The following NELL1 variants were observed in gnomAD, a reference collection of about 807,000 sequenced individuals.
The protein encoded by NELL1 is neural EGFL like 1, also known as protein kinase C-binding protein NELL1.
In NELL1, 76 loss-of-function variants were observed where a neutral mutation model predicts 107.4. The ratio of observed to expected loss-of-function variants is 0.71; its 90% confidence interval spans 0.59 to 0.86. The LOEUF (loss-of-function observed/expected upper bound fraction) is 0.86. NELL1 is among the 40% of genes least tolerant of loss of function. The pLI, the probability that NELL1 is intolerant of heterozygous loss-of-function variation, is 0.00. For missense variants in NELL1, 1,024 were observed against 1,005.5 expected (o/e 1.02, Z -0.25); for synonymous variants, 353 against 341.2 (o/e 1.03, Z -0.38).
At chr11:21,552,156 A>G (rs1856606561) in intron 16 of NELL1, among the ~76,000 whole-genome samples, 6 of 112,980 alleles carry the variant, frequency 5.3e-5, no homozygotes, top group African/African-American at 1.8e-4. Flanking sequence ...GGGAGGGGGG[A>G]GGGATAGCAT....
chr11:21,263,243 C>T (rs1325340179), intron 14 of NELL1, among the ~76,000 whole-genome samples: 1 of 151,822 alleles, frequency 6.6e-6, no homozygotes, highest in Non-Finnish European at 1.5e-5. Flanking sequence ...AGAAGCCTCC[C>T]TCAAATGTTT....
chr11:21,215,284 T>G (rs1053559153), intron 13 of NELL1, among the ~76,000 whole-genome samples: 4 of 152,194 alleles, frequency 2.6e-5, no homozygotes, highest in Non-Finnish European at 2.9e-5. Context: ...TCTGCCATGA[T>G]TATAAGTTTC....
At chr11:21,380,318 C>A (rs1049658294) in intron 15 of NELL1, among the ~76,000 whole-genome samples, 5 of 152,022 alleles carry the variant, frequency 3.3e-5, no homozygotes, top group African/African-American at 1.2e-4. Flanking sequence ...AGGAGGGTTG[C>A]AAATGCTCTT....
Position 21,390,482 on chromosome 11 carries a change from G to A in NELL1, c.1645+19534G>A, listed in dbSNP as rs549838695. ...ATGGAAGATGAGGAGTTCTTTTTTC[G>A]ACCGCTCATCCACAGTGTGTGTGGA... On this transcript the variant is annotated intron_variant, in intron 15 of 19. Transcript: ENST00000357134. 4.6e-4 allele frequency among the ~76,000 whole-genome samples: 68 copies of A among 148,770 alleles called. 1 individual carries two copies. The South Asian group carries it at 9.1e-3, about 20-fold the overall frequency.
At chr11:21,355,384 G>T (rs972911558) in intron 14 of NELL1, among the ~76,000 whole-genome samples, 1 of 152,192 alleles carries the variant, frequency 6.6e-6, no homozygotes, top group African/African-American at 2.4e-5. Context: ...CTATGGGTGG[G>T]CACTATGCCA....
chr11:21,407,290 C>G (rs866304429), intron 15 of NELL1, among the ~76,000 whole-genome samples: 8 of 151,944 alleles, frequency 5.3e-5, no homozygotes, highest in Non-Finnish European at 1.2e-4. Flanking sequence ...ATGGCGCATG[C>G]CTGTAGTCCT....
At chr11:21,018,352 TG>T (rs1329134997) in intron 12 of NELL1, among the ~76,000 whole-genome samples, 2 of 152,086 alleles carry the variant, frequency 1.3e-5, no homozygotes, top group Admixed American at 1.3e-4. Flanking sequence ...GAGGCCATGC[TG>T]TTACAGATTC....
rs576280775 is a variant in NELL1, at chr11:20,962,641, A to G, written c.1300+2081A>G. 7.2e-5 allele frequency among the ~76,000 whole-genome samples: 11 copies of G among 152,330 alleles called. No individual in the cohort carries two copies. The East Asian group carries it at 7.7e-4, about 11-fold the overall frequency. ...CAAAAGACTGGCTCCATGAGGAGCC[A>G]TCTGCAGTATCAACCTGATCTTTCT... On this transcript the variant is annotated intron_variant, in intron 12 of 19. Transcript: ENST00000357134.
chr11:20,855,260 AT>A (rs1366155935), intron 4 of NELL1, among the ~76,000 whole-genome samples: 3 of 151,582 alleles, frequency 2.0e-5, no homozygotes, highest in African/African-American at 7.3e-5. Flanking sequence ...AGGTGAAAGG[AT>A]TAATTGAAAT....
intron 2 of NELL1, among the ~76,000 whole-genome samples, chr11:20,705,474 G>A (rs1457564795): frequency 6.6e-6 from 1 of 151,376 alleles, no homozygotes; most frequent in Non-Finnish European, 1.5e-5. Flanking sequence ...GTAGAAAGCT[G>A]AAACTGGATC....
intron 12 of NELL1, among the ~76,000 whole-genome samples, chr11:21,053,704 C>T (rs1853550169): frequency 1.3e-5 from 2 of 152,272 alleles, no homozygotes; most frequent in South Asian, 2.1e-4. Context: ...GCCACAGTCT[C>T]CATCAGTCAA....
At chr11:20,912,134 A>G (rs1377927131) in intron 5 of NELL1, among the ~76,000 whole-genome samples, 1 of 152,232 alleles carries the variant, frequency 6.6e-6, no homozygotes, top group Non-Finnish European at 1.5e-5. Flanking sequence ...TAGGCAAAGT[A>G]AAAGCAAAAG....
At chr11:21,265,305 C>T (rs1329881917) in intron 14 of NELL1, among the ~76,000 whole-genome samples, 4 of 152,006 alleles carry the variant, frequency 2.6e-5, no homozygotes, top group Non-Finnish European at 5.9e-5. Context: ...AAACTATATT[C>T]AGAAGGCTCT....
At chr11:20,914,730 C>G (rs1017675333) in intron 5 of NELL1, among the ~76,000 whole-genome samples, 1 of 151,916 alleles carries the variant, frequency 6.6e-6, no homozygotes, top group Admixed American at 6.6e-5. Context: ...GAGTTAGTAG[C>G]CCTGTAGTAT....
At chr11:20,680,944 G>T (rs544946243) in intron 2 of NELL1, among the ~76,000 whole-genome samples, 10 of 152,088 alleles carry the variant, frequency 6.6e-5, no homozygotes, top group Admixed American at 3.9e-4. Flanking sequence ...CTTATCCACA[G>T]ATCTGTCCTA....
At chr11:21,101,535 C>A (rs1854813726) in intron 12 of NELL1, among the ~76,000 whole-genome samples, 1 of 152,102 alleles carries the variant, frequency 6.6e-6, no homozygotes, top group Non-Finnish European at 1.5e-5. Context: ...GCCATTCTAA[C>A]TGGTGTGAGA....
chr11:21,312,046 G>A lies in NELL1; in HGVS notation c.1550-58807G>A, dbSNP rs573303688. ...CACCATCTGTGAACCAAAAAAGTAGGCCCTTACCAGACACTGAATCTGCCA... is the reference window on the plus strand; with the variant it reads ...CACCATCTGTGAACCAAAAAAGTAGACCCTTACCAGACACTGAATCTGCCA... On this transcript the variant is annotated intron_variant, in intron 14 of 19. Coordinates refer to ENST00000357134, the MANE Select transcript of NELL1 (RefSeq NM_006157.5). Among the ~76,000 whole-genome samples the A allele has an allele frequency of 5.9e-5, 9 of 152,152 alleles. No homozygotes were observed. In the East Asian group the frequency reaches 1.7e-3, roughly 29 times the overall value.
At chr11:21,023,837 T>C (rs116294765) in intron 12 of NELL1, among the ~76,000 whole-genome samples, 3,074 of 152,230 alleles carry the variant, frequency 0.02, 118 homozygotes, top group African/African-American at 0.07. Context: ...CAAATGCATA[T>C]GTCTTTTGGC....
At chr11:21,384,799 G>A (rs2133773813) in intron 15 of NELL1, among the ~76,000 whole-genome samples, 1 of 152,090 alleles carries the variant, frequency 6.6e-6, no homozygotes, top group Admixed American at 6.6e-5. Context: ...TGGCTGCATA[G>A]TATTCCATGG....
Sources: allele counts gnomAD v4.1 joint callset (sites outside exome capture counted in the v4.1 genomes callset), GRCh38; gene constraint gnomAD v4.1.1; transcripts MANE v1.5; gene names NCBI Gene and HGNC (gene_info 2026-07-23, HGNC 2026-07-21).